FSD2: variants seen among roughly 807,000 people sequenced by gnomAD.
The protein encoded by FSD2 is fibronectin type III and SPRY domain containing 2.
Under a neutral mutation model 80.4 loss-of-function variants are expected in FSD2, and 71 were observed. That is an observed-to-expected ratio of 0.88 (90% CI 0.73 to 1.08). FSD2 has a LOEUF of 1.08. Among genes scored for constraint, FSD2 ranks in the 50% least tolerant of loss-of-function variants. The pLI is 0.00. For synonymous variants in FSD2, 361 were observed against 329.5 expected (o/e 1.10, Z -1.03); for missense variants, 923 against 913.8 (o/e 1.01, Z -0.13).
At chr15:82,778,126 C>CCATA in intron 6 of FSD2, among the ~76,000 whole-genome samples, 1 of 21,726 alleles carries the variant, frequency 4.6e-5, no homozygotes, top group South Asian at 1.2e-3. Context: ...CACAAAAAAA[C>CCATA]CATATATATA....
intron 1 of FSD2, among the ~76,000 whole-genome samples, chr15:82,804,194 C>T (rs1211095357): frequency 6.6e-6 from 1 of 151,820 alleles, no homozygotes; most frequent in Non-Finnish European, 1.5e-5. Context: ...TGAAAACAGC[C>T]GATGATGAAA....
At chr15:82,773,851 A>AG (rs2049647327) in intron 6 of FSD2, among the ~76,000 whole-genome samples, 1 of 152,238 alleles carries the variant, frequency 6.6e-6, no homozygotes, top group African/African-American at 2.4e-5. Context: ...TATCAGGGTG[A>AG]GAAAATATCT....
chr15:82,766,738 C>T (rs75618532), intron 9 of FSD2, among the ~76,000 whole-genome samples: 1 of 96,162 alleles, frequency 1.0e-5, no homozygotes, highest in Non-Finnish European at 2.2e-5. Flanking sequence ...GAGACTGTCT[C>T]AAAAAAAAAA....
At position 82,757,554 on chromosome 15, in the gene FSD2, G is replaced by A. The variant is rs970681831; in HGVS notation, c.*1794C>T. 4 of 151,806 alleles carry A rather than the reference G, an allele frequency of 2.6e-5. No homozygotes were observed. Among genetic ancestry groups the A allele is most frequent in the East Asian group, 1.9e-4 (1 of 5,150 alleles). 9.4% of individuals were successfully genotyped at this position (151,806 alleles called of 1,614,324 possible). On this transcript the variant is annotated 3_prime_UTR_variant, in exon 13 of 13. Transcript: ENST00000334574. ...TCACCGTATTAGCCAGGATGGTCTC[G>A]ATCTCCTGACCTTGTGATCCATCCA...
chr15:82,794,702 T>C (rs2050220767), intron 1 of FSD2, among the ~76,000 whole-genome samples: 1 of 151,976 alleles, frequency 6.6e-6, no homozygotes, highest in Non-Finnish European at 1.5e-5. Flanking sequence ...AATTGTCATA[T>C]CTTTTTGATG....
intron 1 of FSD2, among the ~76,000 whole-genome samples, chr15:82,802,350 A>G (rs2050434955): frequency 6.6e-6 from 1 of 152,122 alleles, no homozygotes. Context: ...CCCAAGGTCA[A>G]AGTTCCCTTC....
chr15:82,802,450 C>T (rs964833982), intron 1 of FSD2, among the ~76,000 whole-genome samples: 1 of 152,164 alleles, frequency 6.6e-6, no homozygotes, highest in African/African-American at 2.4e-5. Context: ...GAGCCTTCTG[C>T]CCTGAGAGGC....
intron 3 of FSD2, among the ~76,000 whole-genome samples, chr15:82,784,626 C>A (rs1241705185): frequency 6.6e-6 from 1 of 152,156 alleles, no homozygotes; most frequent in East Asian, 1.9e-4. Context: ...GAAGGGTTTG[C>A]CACTTCTCTG....
In FSD2 at chr15:82,755,398, G is replaced by C. The variant is rs1396839174; in HGVS notation, c.*3950C>G. ...AAACATTTTTATTTGCTATGTCTGA[G>C]TGACTACATGTTGTTTGAATCAACT... On this transcript the variant is annotated 3_prime_UTR_variant, in exon 13 of 13. Transcript: ENST00000334574. 1.3e-5 allele frequency: 2 copies of C among 152,150 alleles called. No homozygotes were observed. The highest frequency in any genetic ancestry group is 4.8e-5 in the African/African-American group (2 of 41,434). The allele number at this position is 152,150 out of a possible 1,614,324, so 9.4% of individuals were successfully genotyped here.
chr15:82,797,825 AATT>A (rs2050314354), intron 1 of FSD2, among the ~76,000 whole-genome samples: 1 of 151,904 alleles, frequency 6.6e-6, no homozygotes. Flanking sequence ...TAACAATAAT[AATT>A]ATTATTATTT....
chr15:82,785,801 C>G (rs752085584), intron 3 of FSD2, among the ~76,000 whole-genome samples: 1 of 152,064 alleles, frequency 6.6e-6, no homozygotes, highest in Non-Finnish European at 1.5e-5. Context: ...TAACAACTCC[C>G]GAAACCAACG....
At chr15:82,772,039 C>A (rs1194598583) in intron 7 of FSD2, 34 bp downstream of exon 7, 1 of 1,518,350 alleles carries the variant, frequency 6.6e-7, no homozygotes, top group Non-Finnish European at 8.8e-7. Context: ...GAACTGTTCC[C>A]ATGAGCACGG....
intron 1 of FSD2, among the ~76,000 whole-genome samples, chr15:82,789,872 A>G (rs1596256131): frequency 6.6e-6 from 1 of 152,260 alleles, no homozygotes; most frequent in East Asian, 1.9e-4. Context: ...CCTGGGCAAC[A>G]TAGCAAGACC....
chr15:82,799,946 G>A (rs1019433805), intron 1 of FSD2, among the ~76,000 whole-genome samples: 3 of 152,152 alleles, frequency 2.0e-5, no homozygotes, highest in African/African-American at 7.2e-5. Flanking sequence ...ACCTTCTTCA[G>A]CCTCTCTACA....
At chr15:82,778,743 G>A (rs1303551176) in intron 6 of FSD2, 23 bp downstream of exon 6, 21 of 1,588,810 alleles carry the variant, frequency 1.3e-5, no homozygotes, top group Non-Finnish European at 1.5e-5. Flanking sequence ...AACCTGCCGC[G>A]AAGTACACAC....
chr15:82,769,995 C>T, intron 7 of FSD2, 111 bp from the exon 8 acceptor site: 1 of 1,269,824 alleles, frequency 7.9e-7, no homozygotes, highest in South Asian at 1.3e-5. Context: ...AAATTCCTCC[C>T]ATCCCTGTAT....
chr15:82,783,906 T>C (rs573284130), intron 3 of FSD2, among the ~76,000 whole-genome samples: 61 of 152,300 alleles, frequency 4.0e-4, no homozygotes, highest in African/African-American at 1.4e-3. Context: ...GGGAGGGTTC[T>C]GACAATATTA....
Position 82,764,492 on chromosome 15 carries a change from C to CTTTTTTTTTTTTTTTTTTTTTTTT in FSD2, c.1820+673_1820+674insAAAAAAAAAAAAAAAAAAAAAAAA, listed in dbSNP as rs60095355. Among the ~76,000 whole-genome samples the CTTTTTTTTTTTTTTTTTTTTTTTT allele has an allele frequency of 3.3e-3, 286 of 86,104 alleles. 36 individuals are homozygous for CTTTTTTTTTTTTTTTTTTTTTTTT. Among genetic ancestry groups the CTTTTTTTTTTTTTTTTTTTTTTTT allele is most frequent in the African/African-American group, 4.1e-3 (86 of 20,834 alleles). The allele number at this position is 86,104 out of a possible 152,430, so 56.5% of individuals were successfully genotyped here. ...CTCTTGTTGCTTCATTCTTTACTTG[C>CTTTTTTTTTTTTTTTTTTTTTTTT]TTTTTTTTTTTTTTTTTTTTGAGAA... On this transcript the variant is annotated intron_variant, in intron 11 of 12. Transcript: ENST00000334574.
intron 1 of FSD2, among the ~76,000 whole-genome samples, chr15:82,792,646 T>G (rs2151530798): frequency 6.6e-6 from 1 of 152,324 alleles, no homozygotes; most frequent in East Asian, 1.9e-4. Context: ...TCTATTTTTT[T>G]TGTTGTTGTT....
Sources: gnomAD v4.1 joint callset for allele counts (sites outside exome capture counted in the v4.1 genomes callset) on GRCh38, gnomAD v4.1.1 for gene constraint, MANE v1.5 for transcripts, NCBI Gene and HGNC (gene_info 2026-07-23, HGNC 2026-07-21) for gene names.